The following HTT variants were observed in gnomAD, a reference collection of about 807,000 sequenced individuals.
HTT encodes the protein huntington disease protein.
A neutral mutation model predicts 362.3 loss-of-function variants in HTT; 104 were observed. The ratio of observed to expected loss-of-function variants is 0.29; its 90% confidence interval spans 0.24 to 0.34. The LOEUF is 0.34. Among genes scored for constraint, HTT ranks in the 10% least tolerant of loss-of-function variants. The probability of loss-of-function intolerance (pLI) is 1.00; values close to 1 mark genes in which losing one functional copy is unlikely to be tolerated. For synonymous variants in HTT, 1,577 were observed against 1,548.7 expected, an observed-to-expected ratio of 1.02 and a Z score of -0.43; for missense variants, 3,301 against 3,928.6, an observed-to-expected ratio of 0.84 and a Z score of 4.27.
chr4:3,188,773 C>T (rs1028785431), intron 39 of HTT, 178 bp from the exon 40 acceptor site: 18 of 595,600 alleles, frequency 3.0e-5, no homozygotes, highest in Admixed American at 6.1e-5. Flanking sequence ...GAAGGTGATA[C>T]ACAGAGAGAC....
At chr4:3,148,504 T>C (rs1031755454) in intron 26 of HTT, among the ~76,000 whole-genome samples, 3 of 151,688 alleles carry the variant, frequency 2.0e-5, no homozygotes, top group African/African-American at 4.8e-5. Context: ...ATACAAAAAA[T>C]TAGATGGGTT....
At chr4:3,147,219 C>T (rs139558832) in intron 25 of HTT, among the ~76,000 whole-genome samples, 590 of 152,284 alleles carry the variant, frequency 3.9e-3, no homozygotes, top group Middle Eastern at 6.8e-3. Flanking sequence ...TTAATGGGCA[C>T]CATATGCCAG....
chr4:3,225,231 C>A (rs1006031435), intron 56 of HTT, among the ~76,000 whole-genome samples: 1 of 152,018 alleles, frequency 6.6e-6, no homozygotes, highest in Admixed American at 6.5e-5. Context: ...GCCTGGGCAC[C>A]GAGGTGGGGT....
In HTT at chr4:3,199,916, G is replaced by T. The variant is rs1415405016; in HGVS notation, c.5553G>T (p.Trp1851Cys). 1 of 1,613,980 alleles carries T rather than the reference G, an allele frequency of 6.2e-7. No homozygotes were observed. Among genetic ancestry groups the T allele is most frequent in the Non-Finnish European group, 8.5e-7 (1 of 1,179,934 alleles). The change falls in exon 41 of 67, where the codon TGG becomes TGT. Residue 1851 changes from tryptophan to cysteine, a missense_variant. This residue lies in a region of HTT where 2,316 missense variants were observed against 2,658.5 expected (regional missense o/e 0.87). Coordinates refer to ENST00000355072, the MANE Select transcript of HTT (RefSeq NM_001388492.1). The stretch of plus-strand genomic sequence containing the variant: ...TCAACCACACCGACTACCGCTGGTG[G>T]GCAGAAGTGCAGCAGACCCCGAAGT... ...LLVNHTDYRW[W>C]AEVQQTPKRH...
rs1169029021 is a variant in HTT at position 3,228,867 on chromosome 4, G to A, written c.7980-13G>A. On this transcript the variant is annotated splice_polypyrimidine_tract_variant and intron_variant, in intron 58 of 66. Coordinates refer to ENST00000355072, the MANE Select transcript of HTT (RefSeq NM_001388492.1). The surrounding 1 kb of genome is among the most constrained non-coding windows in gnomAD (Gnocchi z 4.3). The stretch of plus-strand genomic sequence containing the variant: ...CATGTACTTGGAAAATACCCATCTC[G>A]CATATTCCACAGGAAACACCGGGCT... The A allele has an allele frequency of 2.5e-6, 4 of 1,608,956 alleles. No individual in the cohort carries two copies. Among genetic ancestry groups the A allele is most frequent in the African/African-American group, 1.3e-5 (1 of 74,746 alleles).
At chr4:3,212,275 C>G in intron 48 of HTT, 133 bp downstream of exon 48, 2 of 758,668 alleles carry the variant, frequency 2.6e-6, no homozygotes, top group South Asian at 3.8e-5. Context: ...AGCTAAAGAG[C>G]AGCACGGGTG....
intron 47 of HTT, among the ~76,000 whole-genome samples, chr4:3,211,320 A>G (rs1222372494): frequency 1.3e-5 from 2 of 152,252 alleles, no homozygotes; most frequent in South Asian, 2.1e-4. Context: ...GAACAGCTGT[A>G]AAAGTTCTGA....
At chr4:3,179,406 C>T (rs1480628113) in intron 35 of HTT, among the ~76,000 whole-genome samples, 6 of 152,134 alleles carry the variant, frequency 3.9e-5, no homozygotes, top group African/African-American at 1.4e-4. Flanking sequence ...GAAGCTTGGT[C>T]ATCTGTGAGA....
Position 3,115,426 on chromosome 4 carries a change from G to A in HTT, c.870G>A (p.Trp290Ter). The change falls in exon 7 of 67, where the codon TGG becomes TGA. Residue 290 changes from tryptophan to a stop codon, truncating the protein, a stop_gained. Transcript: ENST00000355072. LOFTEE classifies it high-confidence loss of function. ...HSRRTQYFYS[W>*]LLNVLLGLLV... ...GAAGGACACAATATTTCTATAGTTG[G>A]CTACTAAATGTGCTCTTAGGTAAGG... The A allele has an allele frequency of 6.2e-7, 1 of 1,613,674 alleles. No individual in the cohort carries two copies. The highest frequency in any genetic ancestry group is 8.5e-7 in the Non-Finnish European group (1 of 1,179,570).
intron 26 of HTT, among the ~76,000 whole-genome samples, chr4:3,152,529 A>G (rs1210004623): frequency 6.6e-6 from 1 of 152,076 alleles, no homozygotes; most frequent in African/African-American, 2.4e-5. Flanking sequence ...GGAACTCTGT[A>G]CTCTTTACCC....
intron 1 of HTT, among the ~76,000 whole-genome samples, chr4:3,085,040 G>T (rs1469730671): frequency 6.6e-6 from 1 of 151,936 alleles, no homozygotes; most frequent in Non-Finnish European, 1.5e-5. Flanking sequence ...TAAATAAATA[G>T]AATGCTGTAG....
chr4:3,074,932 A>T lies in HTT; in HGVS notation c.107A>T (p.Gln36Leu). The T allele has an allele frequency of 1.6e-6, 2 of 1,277,748 alleles. No individual in the cohort carries two copies. The highest frequency in any genetic ancestry group is 1.0e-6 in the Non-Finnish European group (1 of 963,928). The allele number at this position is 1,277,748 out of a possible 1,614,324, so 79.2% of individuals were successfully genotyped here. A position where few individuals can be genotyped will look rare whatever the true frequency, so the allele number is the denominator to read the frequency against. Residue 36 changes from glutamine to leucine, a missense_variant, in exon 1 of 67, where the codon CAG (glutamine) becomes CTG (leucine). Coordinates refer to ENST00000355072, the MANE Select transcript of HTT (RefSeq NM_001388492.1). ...CAGCAGCAGCAGCAGCAGCAGCAGC[A>T]GCAACAGCCGCCACCGCCGCCGCCG... ...QQQQQQQQQQ[Q>L]QQPPPPPPPP...
chr4:3,093,601 TGA>T (rs1024022444), intron 2 of HTT, among the ~76,000 whole-genome samples: 1 of 152,148 alleles, frequency 6.6e-6, no homozygotes, highest in Non-Finnish European at 1.5e-5. Flanking sequence ...TTCAGGATCT[TGA>T]GATGAGGGGG....
intron 26 of HTT, among the ~76,000 whole-genome samples, chr4:3,150,403 G>A (rs903599354): frequency 2.0e-5 from 3 of 152,296 alleles, no homozygotes; most frequent in African/African-American, 7.2e-5. Context: ...TGTCTTCAGT[G>A]TCTAGATGAG....
intron 28 of HTT, 47 bp from the exon 29 acceptor site, chr4:3,160,235 T>G (rs1244196922): frequency 3.3e-6 from 4 of 1,227,970 alleles, no homozygotes; most frequent in Non-Finnish European, 4.7e-6. Context: ...CATTATGAGA[T>G]CGTGACAGGG....
chr4:3,182,438 G>C lies in HTT; in HGVS notation c.4834G>C (p.Asp1612His), dbSNP rs747798867. The change falls in exon 37 of 67, where the codon GAC becomes CAC. Residue 1612 changes from aspartate to histidine, a missense_variant. This residue lies in a region of HTT where 2,316 missense variants were observed against 2,658.5 expected (regional missense o/e 0.87). Transcript: ENST00000355072. ...GAAGCGACTGTCTCGACAGATAGCTGACATCATCCTCCCAATGTTAGCCAA... is the reference window on the plus strand; with the variant it reads ...GAAGCGACTGTCTCGACAGATAGCTCACATCATCCTCCCAATGTTAGCCAA... ...KWKRLSRQIA[D>H]IILPMLAKQQ... The C allele has an allele frequency of 6.2e-7, 1 of 1,613,692 alleles. No individual in the cohort carries two copies. The highest frequency in any genetic ancestry group is 1.1e-5 in the South Asian group (1 of 91,066).
chr4:3,211,078 A>G (rs1720135520), intron 47 of HTT, among the ~76,000 whole-genome samples: 1 of 150,060 alleles, frequency 6.7e-6, no homozygotes, highest in Non-Finnish European at 1.5e-5. Context: ...TAATTTTTGT[A>G]TTTTTAGTAG....
At position 3,083,245 on chromosome 4, in the gene HTT, G is replaced by A. The variant is rs868516556; in HGVS notation, c.264-3694G>A. Among the ~76,000 whole-genome samples, 30 of 152,112 alleles carry A rather than the reference G, an allele frequency of 2.0e-4. 1 individual carries two copies. Among genetic ancestry groups the A allele is most frequent in the Admixed American group, 1.4e-3 (21 of 15,258 alleles). On this transcript the variant is annotated intron_variant, in intron 1 of 66. Transcript: ENST00000355072. ...GTTTTTAAAAGATCATTTTGGCTGGGCACAATGGTTCATGCCTGTAATACC... is the reference window on the plus strand; with the variant it reads ...GTTTTTAAAAGATCATTTTGGCTGGACACAATGGTTCATGCCTGTAATACC...
At chr4:3,238,174 G>A (rs1046639968) in intron 64 of HTT, among the ~76,000 whole-genome samples, 1 of 152,230 alleles carries the variant, frequency 6.6e-6, no homozygotes, top group South Asian at 2.1e-4. Flanking sequence ...GGTCCCTACA[G>A]GGTGTGGGAG....
Sources: gnomAD v4.1 joint callset for allele counts (sites outside exome capture counted in the v4.1 genomes callset) on GRCh38, gnomAD v4.1.1 for gene constraint, gnomAD v4.1.1 regional missense constraint, Gnocchi (gnomAD v3.1) non-coding constraint, MANE v1.5 for transcripts, NCBI Gene and HGNC (gene_info 2026-07-23, HGNC 2026-07-21) for gene names.